TRIM23: variants seen among roughly 807,000 people sequenced by gnomAD.
The protein encoded by TRIM23 is tripartite motif containing 23.
TRIM23 carries 27 observed loss-of-function variants against 71.0 expected under a neutral mutation model. The observed-to-expected ratio is 0.38, with a 90% CI of 0.28 to 0.52. The LOEUF (loss-of-function observed/expected upper bound fraction) is 0.52. Among genes scored for constraint, TRIM23 ranks in the 20% least tolerant of loss-of-function variants. The probability of loss-of-function intolerance (pLI) is 0.84; values close to 1 mark genes in which losing one functional copy is unlikely to be tolerated. For synonymous variants in TRIM23, 234 were observed against 238.0 expected (o/e 0.98, Z 0.16); for missense variants, 482 against 692.3 (o/e 0.70, Z 3.41).
At chr5:65,619,421 C>T (rs1458306827) in intron 1 of TRIM23, among the ~76,000 whole-genome samples, 1 of 152,180 alleles carries the variant, frequency 6.6e-6, no homozygotes, top group African/African-American at 2.4e-5. Flanking sequence ...GTACCTACTG[C>T]TTACATAAAG....
intron 6 of TRIM23, among the ~76,000 whole-genome samples, chr5:65,607,491 G>A (rs973243907): frequency 3.9e-5 from 6 of 152,136 alleles, no homozygotes; most frequent in South Asian, 4.1e-4. Context: ...CTCTCCTGCC[G>A]TCCTGTAAAC....
At chr5:65,595,557 C>CAA (rs34701696) in intron 9 of TRIM23, among the ~76,000 whole-genome samples, 34 of 93,482 alleles carry the variant, frequency 3.6e-4, no homozygotes, top group African/African-American at 1.3e-3. Context: ...GACTCGATCT[C>CAA]AAAAAAAAAA....
rs1292067443 is a variant in TRIM23, at chr5:65,597,053, A to G, written c.1307T>C (p.Ile436Thr). Residue 436 changes from isoleucine to threonine, a missense_variant and splice_region_variant, in exon 8 of 11, where the codon ATT becomes ACT. Ile to Thr is a moderately conservative substitution (Grantham distance 89). This residue lies in a region of TRIM23 where 307 missense variants were observed against 495.8 expected (regional missense o/e 0.62). Coordinates refer to ENST00000231524, the MANE Select transcript of TRIM23 (RefSeq NM_001656.4). Reference sequence around the variant, plus strand: ...TAAAAACCAATATTCATACTTACCAATTGTTGGAATGGGCTGCATGAATTC... The same window carrying G: ...TAAAAACCAATATTCATACTTACCAGTTGTTGGAATGGGCTGCATGAATTC... ...QDEFMQPIPT[I>T]GFNVETVEYK... 6.2e-7 allele frequency: 1 copy of G among 1,613,908 alleles called. No homozygotes were observed.
At chr5:65,600,622 T>TAAAA (rs34809421) in intron 7 of TRIM23, among the ~76,000 whole-genome samples, 85 of 102,314 alleles carry the variant, frequency 8.3e-4, no homozygotes, top group Non-Finnish European at 1.4e-3. Flanking sequence ...AAAAGCACAG[T>TAAAA]AAAAAAAAAA....
Position 65,624,292 on chromosome 5 carries a change from C to T in TRIM23, c.-18G>A, listed in dbSNP as rs200574833. Reference sequence around the variant, plus strand: ...GTAGCCATCCTCGCAGGGGAAGCGCCACAGAAACAGCCTTCAGAGTCCTCA... The same window carrying T: ...GTAGCCATCCTCGCAGGGGAAGCGCTACAGAAACAGCCTTCAGAGTCCTCA... On this transcript the variant is annotated 5_prime_UTR_variant, in exon 1 of 11. Coordinates refer to ENST00000231524, the MANE Select transcript of TRIM23 (RefSeq NM_001656.4). The T allele has an allele frequency of 1.2e-6, 2 of 1,613,334 alleles. No homozygotes were observed. Among genetic ancestry groups the T allele is most frequent in the African/African-American group, 2.7e-5 (2 of 75,024 alleles).
Position 65,591,489 on chromosome 5 carries a change from T to C in TRIM23, c.*280A>G. ...CCTCTTTCCCAGTATATTGGTCACA[T>C]ATTATCTGAAAAACTTAAATAACAA... On this transcript the variant is annotated 3_prime_UTR_variant, in exon 11 of 11. Transcript: ENST00000231524. The C allele has an allele frequency of 6.3e-7, 1 of 1,583,512 alleles. No individual in the cohort carries two copies. Among genetic ancestry groups the C allele is most frequent in the Non-Finnish European group, 8.6e-7 (1 of 1,166,218 alleles).
chr5:65,618,916 G>A (rs1428829267), intron 1 of TRIM23, among the ~76,000 whole-genome samples: 2 of 152,158 alleles, frequency 1.3e-5, no homozygotes, highest in East Asian at 3.9e-4. Context: ...AGGCTACACA[G>A]TCAGTCAAAA....
chr5:65,606,477 A>T (rs546296159), intron 6 of TRIM23, among the ~76,000 whole-genome samples: 2 of 143,314 alleles, frequency 1.4e-5, no homozygotes, highest in African/African-American at 5.3e-5. Flanking sequence ...CCAAAAAAAA[A>T]AAAAAAACAA....
chr5:65,611,772 G>A lies in TRIM23; in HGVS notation c.476C>T (p.Thr159Ile). 1.2e-6 allele frequency: 2 copies of A among 1,614,170 alleles called. No homozygotes were observed. Among genetic ancestry groups the A allele is most frequent in the Non-Finnish European group, 1.7e-6 (2 of 1,180,030 alleles). Residue 159 changes from threonine (T) to isoleucine (I), a missense_variant, in exon 4 of 11, where the codon ACA becomes ATA. Thr to Ile is a moderately conservative substitution (Grantham distance 89, BLOSUM62 -1). This residue lies in a region of TRIM23 where 175 missense variants were observed against 196.5 expected (regional missense o/e 0.89). Coordinates refer to ENST00000231524, the MANE Select transcript of TRIM23 (RefSeq NM_001656.4). Reference sequence around the variant, plus strand: ...AGGAACTCGCCTGTGCTTTGCTAATGTCTTTGTAGAATGAGTAACTTGAGA... The same window carrying A: ...AGGAACTCGCCTGTGCTTTGCTAATATCTTTGTAGAATGAGTAACTTGAGA... The part of the protein sequence containing the change: ...ECSQVTHSTK[T>I]LAKHRRVPLA...
intron 7 of TRIM23, among the ~76,000 whole-genome samples, chr5:65,602,689 G>A (rs1754393529): frequency 1.3e-5 from 2 of 152,148 alleles, no homozygotes; most frequent in Non-Finnish European, 2.9e-5. Flanking sequence ...GTTCCACATG[G>A]CTAGGGAGGC....
chr5:65,604,840 G>T, intron 7 of TRIM23, 71 bp downstream of exon 7: 1 of 1,433,584 alleles, frequency 7.0e-7, no homozygotes, highest in Non-Finnish European at 9.4e-7. Flanking sequence ...TCTTTAAGGT[G>T]ATTATCATGA....
At chr5:65,613,625 T>C in intron 3 of TRIM23, 2 of 983,774 alleles carry the variant, frequency 2.0e-6, no homozygotes, top group African/African-American at 1.7e-5. Context: ...AGTACATCTA[T>C]ACAAAGTTTA....
chr5:65,601,159 G>A (rs1295204984), intron 7 of TRIM23, among the ~76,000 whole-genome samples: 1 of 152,210 alleles, frequency 6.6e-6, no homozygotes, highest in African/African-American at 2.4e-5. Flanking sequence ...AAAAGACCAT[G>A]AAAGCAGGGT....
At position 65,615,134 on chromosome 5, in the gene TRIM23, T is replaced by C. The variant is rs939660450; in HGVS notation, c.245-915A>G. Reference sequence around the variant, plus strand: ...CAGGCCGGTCTCAAAACTCCTGGCCTAAAGTGATCTGACTGCCTCAGCCTC... The same window carrying C: ...CAGGCCGGTCTCAAAACTCCTGGCCCAAAGTGATCTGACTGCCTCAGCCTC... On this transcript the variant is annotated intron_variant, in intron 2 of 10. Transcript: ENST00000231524. Among the ~76,000 whole-genome samples, 4 of 152,238 alleles carry C rather than the reference T, an allele frequency of 2.6e-5. No homozygotes were observed. The East Asian group carries it at 7.7e-4, about 29-fold the overall frequency.
At chr5:65,611,079 T>G in intron 4 of TRIM23, 36 bp from the exon 5 acceptor site, 1 of 1,519,600 alleles carries the variant, frequency 6.6e-7, no homozygotes, top group Middle Eastern at 1.7e-4. Context: ...AAAGAACTCA[T>G]AGTATTGACT....
At chr5:65,610,782 C>G in intron 5 of TRIM23, 79 bp downstream of exon 5, 1 of 1,249,544 alleles carries the variant, frequency 8.0e-7, no homozygotes, top group Non-Finnish European at 1.1e-6. Context: ...ATTGTAATTG[C>G]CCATTAATTA....
chr5:65,596,999 G>A (rs1480257646), intron 8 of TRIM23, 52 bp downstream of exon 8: 2 of 1,597,286 alleles, frequency 1.3e-6, no homozygotes, highest in Non-Finnish European at 1.7e-6. Flanking sequence ...CCAAGAACTT[G>A]GCTGTAAGCT....
intron 7 of TRIM23, among the ~76,000 whole-genome samples, chr5:65,604,063 G>C (rs1369008008): frequency 1.3e-5 from 2 of 151,906 alleles, no homozygotes; most frequent in Non-Finnish European, 2.9e-5. Context: ...GAGTAACTGG[G>C]ACTATAAGGT....
chr5:65,603,556 G>T (rs1469117338), intron 7 of TRIM23, among the ~76,000 whole-genome samples: 2 of 152,114 alleles, frequency 1.3e-5, no homozygotes, highest in Admixed American at 6.5e-5. Flanking sequence ...AATTCTAAAT[G>T]ATTTTCTATG....
Sources: allele counts gnomAD v4.1 joint callset (sites outside exome capture counted in the v4.1 genomes callset), GRCh38; gene constraint gnomAD v4.1.1; regional missense constraint gnomAD v4.1.1; transcripts MANE v1.5; gene names NCBI Gene and HGNC (gene_info 2026-07-23, HGNC 2026-07-21).